Variants in SUMF2 observed in about 807,000 individuals in gnomAD.
SUMF2 encodes the protein inactive C-alpha-formylglycine-generating enzyme 2.
SUMF2 carries 45 observed loss-of-function variants against 44.8 expected under a neutral mutation model. That is an observed-to-expected ratio of 1.00 (90% confidence interval 0.79 to 1.29). The LOEUF is 1.29. Among genes scored for constraint, SUMF2 ranks in the 50% most tolerant of loss-of-function variants. The pLI, the probability that SUMF2 is intolerant of heterozygous loss-of-function variation, is 0.00. For missense variants in SUMF2, 418 were observed against 389.9 expected (o/e 1.07, Z -0.61); for synonymous variants, 148 against 150.4 (o/e 0.98, Z 0.12).
At chr7:56,071,118 A>C (rs1022885976) in intron 2 of SUMF2, among the ~76,000 whole-genome samples, 2 of 152,070 alleles carry the variant, frequency 1.3e-5, no homozygotes, top group Non-Finnish European at 2.9e-5. Flanking sequence ...TGTAGTCCCA[A>C]CACTTTGGGA....
At chr7:56,082,311 G>T, downstream of SUMF2, 2 of 1,394,016 alleles carry the variant, frequency 1.4e-6, no homozygotes. Context: ...AGGAAGTCCA[G>T]GCTGGCCGCA....
At chr7:56,068,119 C>T (rs1320244700) in intron 1 of SUMF2, among the ~76,000 whole-genome samples, 3 of 149,276 alleles carry the variant, frequency 2.0e-5, no homozygotes, top group Admixed American at 6.7e-5. Context: ...CTGCAAGCTC[C>T]GCCTCCCGGG....
chr7:56,083,315 G>A, downstream of SUMF2: 1 of 1,614,056 alleles, frequency 6.2e-7, no homozygotes, highest in Non-Finnish European at 8.5e-7. Context: ...GGCAGGAAAA[G>A]CCAAAGTCTG....
At chr7:56,064,733 A>C (rs1271829680) in intron 1 of SUMF2, among the ~76,000 whole-genome samples, 1 of 149,350 alleles carries the variant, frequency 6.7e-6, no homozygotes, top group Non-Finnish European at 1.5e-5. Context: ...AAAAAACACA[A>C]CTATCCGGGC....
At chr7:56,073,279 A>G (rs1434862237) in intron 3 of SUMF2, 168 bp downstream of exon 3, 1 of 686,748 alleles carries the variant, frequency 1.5e-6, no homozygotes, top group African/African-American at 1.8e-5. Context: ...ACACACTCCC[A>G]GGAAGTTAAC....
At chr7:56,083,568 G>A (rs1584623074), downstream of SUMF2, 4 of 1,487,858 alleles carry the variant, frequency 2.7e-6, no homozygotes, top group Non-Finnish European at 3.7e-6. Context: ...ACATGTGCAC[G>A]CCCTGCCTCC....
chr7:56,068,458 G>A (rs1242434851), intron 1 of SUMF2, 24 bp from the exon 2 acceptor site: 1 of 1,596,526 alleles, frequency 6.3e-7, no homozygotes, highest in Admixed American at 1.8e-5. Flanking sequence ...ATGTATTACT[G>A]GTAACTCTCT....
chr7:56,074,003 A>C, intron 3 of SUMF2, 171 bp from the exon 4 acceptor site: 2 of 622,836 alleles, frequency 3.2e-6, no homozygotes, highest in Non-Finnish European at 2.8e-6. Context: ...TGACAGAGCA[A>C]GATCTTGTCT....
chr7:56,074,534 C>T (rs527668350), intron 4 of SUMF2, 52 bp from the exon 5 acceptor site: 62 of 1,601,312 alleles, frequency 3.9e-5, no homozygotes, highest in Non-Finnish European at 5.0e-5. Context: ...CCTAGCCTGC[C>T]TCCGACTTAA....
chr7:56,065,575 CCTA>C lies in SUMF2; in HGVS notation c.67+1200_67+1202del, dbSNP rs1340681897. 2.6e-5 allele frequency among the ~76,000 whole-genome samples: 4 copies of C among 152,122 alleles called. No individual in the cohort carries two copies. In the East Asian group the frequency reaches 7.7e-4, roughly 29 times the overall value. On this transcript the variant is annotated intron_variant, in intron 1 of 8. Transcript: ENST00000434526. ...TAATTCCGATTCAATCTGAGATTTC[CCTA>C]CTTACTCCTTTTATTTATTTATTTA...
At chr7:56,072,490 C>T (rs1161760866) in intron 2 of SUMF2, among the ~76,000 whole-genome samples, 1 of 151,060 alleles carries the variant, frequency 6.6e-6, no homozygotes, top group South Asian at 2.1e-4. Context: ...TTTGGGAGGC[C>T]GAGGCAGGTG....
At chr7:56,086,043 T>C in the SUMF2 span, among the ~76,000 whole-genome samples, 3 of 151,064 alleles carry the variant, frequency 2.0e-5, no homozygotes, top group Admixed American at 2.0e-4. Flanking sequence ...CTCCTTACTA[T>C]GGCTAAAATG....
chr7:56,081,464 G>A (rs1251515518), downstream of SUMF2, among the ~76,000 whole-genome samples: 1 of 152,170 alleles, frequency 6.6e-6, no homozygotes, highest in Non-Finnish European at 1.5e-5. The surrounding 1 kb of genome is among the most constrained non-coding windows in gnomAD (Gnocchi z 4.6). Flanking sequence ...CTCAGGGACC[G>A]AGCCAGTGGG....
Position 56,079,779 on chromosome 7 carries a change from G to A in SUMF2, c.*167G>A. The A allele has an allele frequency of 1.9e-6, 3 of 1,555,894 alleles. No homozygotes were observed. Among genetic ancestry groups the A allele is most frequent in the Non-Finnish European group, 2.6e-6 (3 of 1,148,910 alleles). ...AGGCGCCTCTCACCAGGGCAGGAGAGGACTCAGCCTCCTGTGTTTTGGAGA... is the reference window on the plus strand; with the variant it reads ...AGGCGCCTCTCACCAGGGCAGGAGAAGACTCAGCCTCCTGTGTTTTGGAGA... On this transcript the variant is annotated 3_prime_UTR_variant, in exon 9 of 9. Coordinates refer to ENST00000434526, the MANE Select transcript of SUMF2 (RefSeq NM_015411.4).
chr7:56,081,636 C>T (rs768900651), downstream of SUMF2: 34 of 1,613,560 alleles, frequency 2.1e-5, no homozygotes, highest in Non-Finnish European at 2.8e-5. This position sits in a 1 kb window ranked among gnomAD's most constrained non-coding sequence, Gnocchi z 4.6. Context: ...GTACCTTGAA[C>T]TTCCCCCGGG....
Position 56,076,801 on chromosome 7 carries a change from C to T in SUMF2, c.536-33C>T, listed in dbSNP as rs1163653043. ...TTTCCTTCCCTAATTCTTCACCTCCCCCTCCTCTGCTGCCTCCTTGCTCTC... is the reference window on the plus strand; with the variant it reads ...TTTCCTTCCCTAATTCTTCACCTCCTCCTCCTCTGCTGCCTCCTTGCTCTC... On this transcript the variant is annotated intron_variant, in intron 5 of 8. Coordinates refer to ENST00000434526, the MANE Select transcript of SUMF2 (RefSeq NM_015411.4). 2.6e-6 allele frequency: 4 copies of T among 1,564,436 alleles called. No homozygotes were observed. In the Admixed American group the frequency reaches 7.5e-5, roughly 29 times the overall value.
chr7:56,082,330 T>C, downstream of SUMF2: 4 of 1,151,050 alleles, frequency 3.5e-6, no homozygotes, highest in Non-Finnish European at 5.1e-6. Flanking sequence ...CAGTGGCTCA[T>C]TTCTATAATC....
In SUMF2 at chr7:56,079,786, G is replaced by A; in HGVS notation, c.*174G>A. 1 of 1,554,654 alleles carries A rather than the reference G, an allele frequency of 6.4e-7. No homozygotes were observed. The highest frequency in any genetic ancestry group is 8.7e-7 in the Non-Finnish European group (1 of 1,148,260). On this transcript the variant is annotated 3_prime_UTR_variant, in exon 9 of 9. Coordinates refer to ENST00000434526, the MANE Select transcript of SUMF2 (RefSeq NM_015411.4). ...TCTCACCAGGGCAGGAGAGGACTCA[G>A]CCTCCTGTGTTTTGGAGAAGGGGCC...
chr7:56,069,727 G>A lies in SUMF2; in HGVS notation c.224+1089G>A, dbSNP rs147878021. On this transcript the variant is annotated intron_variant, in intron 2 of 8. Transcript: ENST00000434526. ...AACCATCACCTGGGACTACAGGTGCGCACTATCACACCCAGCTTATTTTGT... is the reference window on the plus strand; with the variant it reads ...AACCATCACCTGGGACTACAGGTGCACACTATCACACCCAGCTTATTTTGT... Among the ~76,000 whole-genome samples the A allele has an allele frequency of 7.0e-3, 1,056 of 151,888 alleles. 7 individuals are homozygous for A. Among genetic ancestry groups the A allele is most frequent in the Non-Finnish European group, 0.011 (776 of 67,964 alleles).
Sources: gnomAD v4.1 joint callset for allele counts (sites outside exome capture counted in the v4.1 genomes callset) on GRCh38, gnomAD v4.1.1 for gene constraint, Gnocchi (gnomAD v3.1) non-coding constraint, MANE v1.5 for transcripts, NCBI Gene and HGNC (gene_info 2026-07-23, HGNC 2026-07-21) for gene names.